Variants in FAM135A observed in about 807,000 individuals in gnomAD.
FAM135A encodes protein FAM135A.
Under a neutral mutation model 146.8 loss-of-function variants are expected in FAM135A, and 79 were observed. The observed-to-expected ratio is 0.54, with a 90% CI of 0.45 to 0.65. FAM135A has a LOEUF of 0.65. Among genes scored for constraint, FAM135A ranks in the 30% least tolerant of loss-of-function variants. FAM135A has a pLI of 0.00. For synonymous variants in FAM135A, 562 were observed against 603.6 expected, an observed-to-expected ratio of 0.93 and a Z score of 1.01; for missense variants, 1,623 against 1,758.2, an observed-to-expected ratio of 0.92 and a Z score of 1.38.
Position 70,524,514 on chromosome 6 carries a change from C to A in FAM135A, c.1430C>A (p.Thr477Lys). The change falls in exon 15 of 22, where the codon ACA (threonine) becomes AAA (lysine). Residue 477 changes from threonine to lysine, a missense_variant. By Grantham distance (78) the Thr-to-Lys change is moderately conservative (BLOSUM62 -1). Coordinates refer to ENST00000418814, the MANE Select transcript of FAM135A (RefSeq NM_001162529.3). ...IWYTEGEKQL[T>K]KSLKGKNEES... is the part of the protein sequence containing the mutation. ...TATACAGAAGGTGAAAAGCAGCTAA[C>A]AAAATCTCTAAAAGGAAAGAATGAA... 6.4e-7 allele frequency: 1 copy of A among 1,551,076 alleles called. No individual in the cohort carries two copies. The highest frequency in any genetic ancestry group is 2.4e-5 in the East Asian group (1 of 40,898).
At position 70,526,484 on chromosome 6, in the gene FAM135A, A is replaced by C. The variant is rs759763685; in HGVS notation, c.3400A>C (p.Asn1134His). The C allele has an allele frequency of 1.2e-6, 2 of 1,613,560 alleles. No homozygotes were observed. Among genetic ancestry groups the C allele is most frequent in the Admixed American group, 3.3e-5 (2 of 59,956 alleles). Residue 1134 changes from asparagine to histidine, a missense_variant, in exon 15 of 22, where the codon AAC becomes CAC. Physicochemically the swap from Asn to His is moderately conservative, Grantham distance 68. Transcript: ENST00000418814. Reference sequence around the variant, plus strand: ...AAGACTTACAAAATCTGAAAAAATAAACAGTGACTATCTGAGAGATGGTAT... The same window carrying C: ...AAGACTTACAAAATCTGAAAAAATACACAGTGACTATCTGAGAGATGGTAT... The part of the protein sequence containing the change: ...EERLTKSEKI[N>H]SDYLRDGINM...
At chr6:70,492,991 T>C (rs1442823179) in intron 11 of FAM135A, among the ~76,000 whole-genome samples, 1 of 152,082 alleles carries the variant, frequency 6.6e-6, no homozygotes, top group East Asian at 1.9e-4. Context: ...TTTGATAATC[T>C]GTTCTACAAA....
At chr6:70,446,547 G>T (rs1011497959) in intron 4 of FAM135A, among the ~76,000 whole-genome samples, 2 of 152,008 alleles carry the variant, frequency 1.3e-5, no homozygotes, top group African/African-American at 4.8e-5. Flanking sequence ...TTTTTTTCTG[G>T]CCAGGTTCAA....
chr6:70,539,465 G>A (rs1797438926), intron 20 of FAM135A, among the ~76,000 whole-genome samples: 1 of 152,130 alleles, frequency 6.6e-6, no homozygotes, highest in Admixed American at 6.5e-5. Context: ...AAAAACAGCA[G>A]TAGCCAAATC....
chr6:70,448,434 T>C (rs1215770864), intron 4 of FAM135A, among the ~76,000 whole-genome samples: 1 of 152,134 alleles, frequency 6.6e-6, no homozygotes, highest in Non-Finnish European at 1.5e-5. Context: ...CCCTTCTTAC[T>C]CACCACGGGG....
intron 5 of FAM135A, among the ~76,000 whole-genome samples, chr6:70,457,640 T>C (rs1431129774): frequency 6.6e-6 from 1 of 152,216 alleles, no homozygotes; most frequent in East Asian, 1.9e-4. Flanking sequence ...TGGACAACCC[T>C]ATTTGAACCA....
intron 4 of FAM135A, among the ~76,000 whole-genome samples, chr6:70,448,984 G>GGATT (rs1183240984): frequency 6.6e-6 from 1 of 152,190 alleles, no homozygotes; most frequent in Non-Finnish European, 1.5e-5. Context: ...CATTGCTGCA[G>GGATT]AGATTTTGTT....
At chr6:70,419,874 C>A (rs112818362) in intron 2 of FAM135A, among the ~76,000 whole-genome samples, 1 of 152,168 alleles carries the variant, frequency 6.6e-6, no homozygotes, top group African/African-American at 2.4e-5. Flanking sequence ...GTGAAGAAAT[C>A]GAATTTTTTC....
intron 15 of FAM135A, among the ~76,000 whole-genome samples, chr6:70,527,054 C>T (rs1794905344): frequency 6.6e-6 from 1 of 151,936 alleles, no homozygotes; most frequent in Admixed American, 6.6e-5. Flanking sequence ...GCTTAAAACC[C>T]TTTTTTCATC....
At chr6:70,455,502 G>T (rs1778146607) in intron 5 of FAM135A, among the ~76,000 whole-genome samples, 1 of 151,702 alleles carries the variant, frequency 6.6e-6, no homozygotes, top group Non-Finnish European at 1.5e-5. Context: ...TTCTTCGCTT[G>T]GCATACATGT....
rs766345133 is a variant in FAM135A, at chr6:70,560,112, A to G, written c.*191A>G. 6.0e-6 allele frequency: 3 copies of G among 498,658 alleles called. No individual in the cohort carries two copies. The highest frequency in any genetic ancestry group is 1.0e-5 in the Non-Finnish European group (3 of 290,004). The allele number at this position is 498,658 out of a possible 1,614,324, so 30.9% of individuals were successfully genotyped here. On this transcript the variant is annotated 3_prime_UTR_variant, in exon 22 of 22. Coordinates refer to ENST00000418814, the MANE Select transcript of FAM135A (RefSeq NM_001162529.3). ...TACTTTCTAGGTAATGTGGCTGTGC[A>G]ATATTTTTTTAATTTTATCTTTTTA...
chr6:70,520,710 T>C (rs1388665281), intron 12 of FAM135A, among the ~76,000 whole-genome samples: 2 of 152,172 alleles, frequency 1.3e-5, no homozygotes, highest in Non-Finnish European at 2.9e-5. Flanking sequence ...AAATTTAAAT[T>C]TGTAAATTAA....
intron 5 of FAM135A, among the ~76,000 whole-genome samples, chr6:70,471,901 A>C (rs963675925): frequency 4.6e-5 from 7 of 152,178 alleles, no homozygotes; most frequent in African/African-American, 1.7e-4. Flanking sequence ...CTACATAGCT[A>C]TTGAGTTCAC....
At chr6:70,552,462 A>G (rs898789666) in intron 20 of FAM135A, among the ~76,000 whole-genome samples, 12 of 128,466 alleles carry the variant, frequency 9.3e-5, no homozygotes, top group Admixed American at 2.5e-4. Context: ...ATAGTTGAAG[A>G]TTCTTTTTTT....
chr6:70,515,879 C>T (rs889764555), intron 12 of FAM135A, among the ~76,000 whole-genome samples: 16 of 151,752 alleles, frequency 1.1e-4, no homozygotes, highest in African/African-American at 2.7e-4. Context: ...GGAAACTCTT[C>T]GTACTTTCTG....
rs1801650391 is a variant in FAM135A at position 70,560,022 on chromosome 6, T to TTA, written c.*104_*105dup. 2.3e-6 allele frequency: 2 copies of TTA among 856,152 alleles called. No individual in the cohort carries two copies. The highest frequency in any genetic ancestry group is 3.5e-6 in the Non-Finnish European group (2 of 575,540). 53.0% of individuals were successfully genotyped at this position (856,152 alleles called of 1,614,324 possible). A position where few individuals can be genotyped will look rare whatever the true frequency, so the allele number is the denominator to read the frequency against. On this transcript the variant is annotated 3_prime_UTR_variant, in exon 22 of 22. Transcript: ENST00000418814. ...GATGCTGATAAGTTCTAAGAAATAT[T>TTA]TATACCTTTTTATATGGAAGATAAT...
At chr6:70,517,803 C>A (rs1792633469) in intron 12 of FAM135A, among the ~76,000 whole-genome samples, 1 of 152,160 alleles carries the variant, frequency 6.6e-6, no homozygotes, top group Non-Finnish European at 1.5e-5. Flanking sequence ...TGTTTTGAAG[C>A]ACCACAGTTG....
Position 70,525,863 on chromosome 6 carries a change from G to T in FAM135A, c.2779G>T (p.Asp927Tyr), listed in dbSNP as rs1338089606. ...AGACCCTTTACAATTTGTTTTTTCA[G>T]ATGAAGAGACTTCCAGTGATGTGAA... ...IKDPLQFVFS[D>Y]EETSSDVKSS... Residue 927 changes from aspartate (D) to tyrosine (Y), a missense_variant, in exon 15 of 22, where the codon GAT (aspartate) becomes TAT (tyrosine). By Grantham distance (160) the Asp-to-Tyr change is radical. This residue lies in a region of FAM135A where 1,061 missense variants were observed against 1,113.8 expected (regional missense o/e 0.95). Transcript: ENST00000418814. The T allele has an allele frequency of 6.2e-7, 1 of 1,611,686 alleles. No homozygotes were observed. Among genetic ancestry groups the T allele is most frequent in the Non-Finnish European group, 8.5e-7 (1 of 1,179,188 alleles).
At chr6:70,434,114 T>C (rs761256739) in intron 4 of FAM135A, among the ~76,000 whole-genome samples, 30 of 152,218 alleles carry the variant, frequency 2.0e-4, no homozygotes, top group Admixed American at 3.9e-4. Context: ...ATTTGTATTA[T>C]ATTAGGAGTA....
Sources: allele counts gnomAD v4.1 joint callset (sites outside exome capture counted in the v4.1 genomes callset), GRCh38; gene constraint gnomAD v4.1.1; regional missense constraint gnomAD v4.1.1; transcripts MANE v1.5; gene names NCBI Gene and HGNC (gene_info 2026-07-23, HGNC 2026-07-21).